ZNF358: variants seen among roughly 807,000 people sequenced by gnomAD.
ZNF358 encodes zinc finger protein 358.
A neutral mutation model predicts 2.1 loss-of-function variants in ZNF358; 1 was observed. That is an observed-to-expected ratio of 0.49 (90% CI 0.17 to 2.30). The LOEUF is 2.30. ZNF358 is among the 30% of genes most tolerant of loss of function. ZNF358 has a pLI of 0.26. For missense variants in ZNF358, 665 were observed against 806.8 expected (o/e 0.82, Z 2.13); for synonymous variants, 381 against 359.7 (o/e 1.06, Z -0.67).
Position 7,520,588 on chromosome 19 carries a change from G to A in ZNF358, c.1346G>A (p.Gly449Asp). The A allele has an allele frequency of 7.3e-7, 1 of 1,369,706 alleles. No homozygotes were observed. The highest frequency in any genetic ancestry group is 1.0e-6 in the Non-Finnish European group (1 of 981,180). The allele number at this position is 1,369,706 out of a possible 1,614,324, so 84.8% of individuals were successfully genotyped here. ...GPDAVSVLGS[G>D]LGLSPGTSSG... The stretch of plus-strand genomic sequence containing the variant: ...GATGCTGTTTCTGTGCTCGGCTCTG[G>A]CTTGGGCCTCAGCCCTGGCACCAGC... Residue 449 changes from glycine (G) to aspartate (D), a missense_variant, in exon 2 of 2, where the codon GGC (glycine) becomes GAC (aspartate). Around this residue, in one of 3 missense-constraint regions of ZNF358, gnomAD observed 249 missense variants for 227.6 expected, o/e 1.09. Coordinates refer to ENST00000597229, the MANE Select transcript of ZNF358 (RefSeq NM_018083.5). This position sits in a 1 kb window ranked among gnomAD's most constrained non-coding sequence, Gnocchi z 6.0.
Position 7,519,457 on chromosome 19 carries a change from A to G in ZNF358, c.215A>G (p.Asp72Gly), listed in dbSNP as rs757967720. 5 of 1,613,804 alleles carry G rather than the reference A, an allele frequency of 3.1e-6. No homozygotes were observed. In the African/African-American group the frequency reaches 6.7e-5, roughly 22 times the overall value. Residue 72 changes from aspartate to glycine, a missense_variant, in exon 2 of 2, where the codon GAC becomes GGC. Coordinates refer to ENST00000597229, the MANE Select transcript of ZNF358 (RefSeq NM_018083.5). The part of the protein sequence containing the change: ...EDLEPVSEDL[D>G]PDAEAPGSEP... Reference sequence around the variant, plus strand: ...CTGGAGCCCGTCTCGGAGGATCTGGACCCCGACGCCGAAGCTCCGGGCTCG... The same window carrying G: ...CTGGAGCCCGTCTCGGAGGATCTGGGCCCCGACGCCGAAGCTCCGGGCTCG...
In ZNF358 at chr19:7,520,439, T is replaced by G. The variant is rs2022449700; in HGVS notation, c.1197T>G (p.Gly399=). 2 of 1,478,836 alleles carry G rather than the reference T, an allele frequency of 1.4e-6. No individual in the cohort carries two copies. Among genetic ancestry groups the G allele is most frequent in the South Asian group, 2.3e-5 (2 of 86,486 alleles). The allele number at this position is 1,478,836 out of a possible 1,614,324, so 91.6% of individuals were successfully genotyped here. The stretch of plus-strand genomic sequence containing the variant: ...CCAAGCACAAACGGGTGCATGAGGG[T>G]GCAGCCGCTGCTGCAGCTGCCGCGG... ...SLTKHKRVHE[G]AAAAAAAAAA... is the part of the protein sequence containing the mutation. The change falls in exon 2 of 2, where the codon GGT becomes GGG. Residue 399 remains glycine (G), a synonymous_variant. Transcript: ENST00000597229. The surrounding 1 kb of genome is among the most constrained non-coding windows in gnomAD (Gnocchi z 6.0).
In ZNF358 at chr19:7,520,650, A is replaced by C; in HGVS notation, c.1408A>C (p.Thr470Pro). The C allele has an allele frequency of 6.3e-7, 1 of 1,583,500 alleles. No homozygotes were observed. The highest frequency in any genetic ancestry group is 1.7e-5 in the Admixed American group (1 of 57,166). The change falls in exon 2 of 2, where the codon ACT (threonine) becomes CCT (proline). Residue 470 changes from threonine to proline, a missense_variant. By Grantham distance (38) the Thr-to-Pro change is conservative. Transcript: ENST00000597229. This position sits in a 1 kb window ranked among gnomAD's most constrained non-coding sequence, Gnocchi z 6.0. ...CCCTGACCCTGGCTCTGGGCCGGGC[A>C]CTCTGCCGGATCCCAGCTCCAAACC... ...RNPDPGSGPG[T>P]LPDPSSKPLP...
upstream of ZNF358, among the ~76,000 whole-genome samples, chr19:7,515,057 T>C (rs2022317523): frequency 6.6e-6 from 1 of 152,164 alleles, no homozygotes; most frequent in Non-Finnish European, 1.5e-5. Flanking sequence ...GTTGGAATTG[T>C]CGTCGGTAAG....
intron 1 of ZNF358, among the ~76,000 whole-genome samples, chr19:7,517,973 A>G (rs2022368128): frequency 6.6e-6 from 1 of 152,220 alleles, no homozygotes; most frequent in African/African-American, 2.4e-5. Context: ...CAAGTATGGG[A>G]CAAGAATTCA....
At position 7,518,595 on chromosome 19, in the gene ZNF358, G is replaced by GAA. The variant is rs1051407655; in HGVS notation, c.-38-608_-38-607dup. Reference sequence around the variant, plus strand: ...AGAAAGAAAGAAAGAAAGAAAGAAAGAAAGAATTGAAGTTAGCTGAGTGTG... The same window carrying GAA: ...AGAAAGAAAGAAAGAAAGAAAGAAAGAAAAAGAATTGAAGTTAGCTGAGTGTG... On this transcript the variant is annotated intron_variant, in intron 1 of 1. Transcript: ENST00000597229. 2.0e-5 allele frequency among the ~76,000 whole-genome samples: 3 copies of GAA among 150,604 alleles called. No individual in the cohort carries two copies. In the East Asian group the frequency reaches 5.8e-4, roughly 29 times the overall value.
upstream of ZNF358, among the ~76,000 whole-genome samples, chr19:7,515,686 A>C (rs569794310): frequency 6.6e-6 from 1 of 152,300 alleles, no homozygotes; most frequent in Admixed American, 6.5e-5. Context: ...ACAGACAGAC[A>C]CAGAGAGAGA....
Position 7,520,941 on chromosome 19 carries a change from G to A in ZNF358, c.1699G>A (p.Asp567Asn). The change falls in exon 2 of 2, where the codon GAT becomes AAT. Residue 567 changes from aspartate to asparagine, a missense_variant. Coordinates refer to ENST00000597229, the MANE Select transcript of ZNF358 (RefSeq NM_018083.5). The surrounding 1 kb of genome is among the most constrained non-coding windows in gnomAD (Gnocchi z 6.0). ...GGAGCAAGGGGCACTGCTGGGGCCT[G>A]ATGGCTGAAGGAGACGCCGGCATCC... ...VQEQGALLGP[D>N]G is the part of the protein sequence containing the mutation. 6.2e-7 allele frequency: 1 copy of A among 1,612,944 alleles called. No homozygotes were observed. The highest frequency in any genetic ancestry group is 8.5e-7 in the Non-Finnish European group (1 of 1,179,290).
intron 1 of ZNF358, among the ~76,000 whole-genome samples, chr19:7,518,772 T>G (rs1271541007): frequency 6.8e-6 from 1 of 147,280 alleles, no homozygotes; most frequent in South Asian, 2.2e-4. Flanking sequence ...AAAATAAAAA[T>G]AAAGAAGTGG....
At chr19:7,518,580 A>AAAGG in intron 1 of ZNF358, among the ~76,000 whole-genome samples, 1 of 145,828 alleles carries the variant, frequency 6.9e-6, no homozygotes, top group Non-Finnish European at 1.5e-5. Flanking sequence ...AGAAAGAAAG[A>AAAGG]AAGAAAGAAA....
At chr19:7,519,184 C>T (rs1423778548) in intron 1 of ZNF358, 21 bp from the exon 2 acceptor site, 5 of 1,571,332 alleles carry the variant, frequency 3.2e-6, no homozygotes, top group South Asian at 2.4e-5. Context: ...TACCCTCTAC[C>T]CTCTATCCTT....
Position 7,519,743 on chromosome 19 carries a change from C to T in ZNF358, c.501C>T (p.Ser167=). The change falls in exon 2 of 2, where the codon AGC becomes AGT. Residue 167 remains serine, a synonymous_variant. Coordinates refer to ENST00000597229, the MANE Select transcript of ZNF358 (RefSeq NM_018083.5). ...CCTTCCGCCGCAGCTCCGGGCTGAG[C>T]CAGCATCGCCGCACGCACAGCGGCG... is the stretch of plus-strand genomic sequence containing the variant. The part of the protein sequence containing the change: ...GRAFRRSSGL[S]QHRRTHSGEK... 1 of 1,544,672 alleles carries T rather than the reference C, an allele frequency of 6.5e-7. No homozygotes were observed. Among genetic ancestry groups the T allele is most frequent in the Non-Finnish European group, 8.7e-7 (1 of 1,152,892 alleles).
At chr19:7,516,026 G>A (rs1297023915), upstream of ZNF358, 2 of 150,814 alleles carry the variant, frequency 1.3e-5, no homozygotes, top group African/African-American at 4.9e-5. This position sits in a 1 kb window ranked among gnomAD's most constrained non-coding sequence, Gnocchi z 5.9. Flanking sequence ...GGGGGGCGGG[G>A]GCAGCGATGG....
Position 7,519,193 on chromosome 19 carries a change from TTGC to T in ZNF358, c.-38-11_-38-9del. ...CCCACCTACCCTCTACCCTCTATCC[TTGC>T]CCTTGCAGGTCTTGCCCCAGAAGCT... On this transcript the variant is annotated splice_polypyrimidine_tract_variant and intron_variant, in intron 1 of 1. Transcript: ENST00000597229. The T allele has an allele frequency of 6.3e-7, 1 of 1,584,874 alleles. No individual in the cohort carries two copies. Among genetic ancestry groups the T allele is most frequent in the Admixed American group, 1.7e-5 (1 of 57,256 alleles).
Position 7,519,710 on chromosome 19 carries a change from C to A in ZNF358, c.468C>A (p.Cys156Ter). 1 of 1,578,950 alleles carries A rather than the reference C, an allele frequency of 6.3e-7. No homozygotes were observed. The highest frequency in any genetic ancestry group is 8.5e-7 in the Non-Finnish European group (1 of 1,170,418). Residue 156 changes from cysteine to a stop codon, truncating the protein, a stop_gained, in exon 2 of 2, where the codon TGC (cysteine) becomes TGA (stop). Transcript: ENST00000597229. LOFTEE classifies it low-confidence loss of function (END_TRUNC). ...SPPRPFSCPD[C>*]GRAFRRSSGL... ...CCCGGCCCTTCTCCTGCCCGGATTG[C>A]GGGCGAGCCTTCCGCCGCAGCTCCG...
chr19:7,520,804 A>C lies in ZNF358; in HGVS notation c.1562A>C (p.Asp521Ala), dbSNP rs752682125. 35 of 1,613,846 alleles carry C rather than the reference A, an allele frequency of 2.2e-5. No homozygotes were observed. The highest frequency in any genetic ancestry group is 3.0e-5 in the Non-Finnish European group (35 of 1,179,970). The change falls in exon 2 of 2, where the codon GAT becomes GCT. Residue 521 changes from aspartate (D) to alanine (A), a missense_variant. Coordinates refer to ENST00000597229, the MANE Select transcript of ZNF358 (RefSeq NM_018083.5). This position sits in a 1 kb window ranked among gnomAD's most constrained non-coding sequence, Gnocchi z 6.0. The part of the protein sequence containing the change: ...DLDPVPSPDP[D>A]PVPSPDPNPV... ...GATCCTGTGCCCAGCCCAGACCCTG[A>C]TCCTGTGCCCAGCCCTGATCCCAAC...
At position 7,516,992 on chromosome 19, in the gene ZNF358, C is replaced by T. The variant is rs115271426; in HGVS notation, c.-39+743C>T. On this transcript the variant is annotated intron_variant, in intron 1 of 1. Transcript: ENST00000597229. The surrounding 1 kb of genome is among the most constrained non-coding windows in gnomAD (Gnocchi z 5.9). The stretch of plus-strand genomic sequence containing the variant: ...GGTTGAGGACCGCCGTCCAGGAACT[C>T]GGCTCTGTTTGCCTGCACACTCCCA... Among the ~76,000 whole-genome samples, 1 of 152,124 alleles carries T rather than the reference C, an allele frequency of 6.6e-6. No homozygotes were observed. The highest frequency in any genetic ancestry group is 1.5e-5 in the Non-Finnish European group (1 of 68,010).
chr19:7,517,059 G>A (rs1050539710), intron 1 of ZNF358, among the ~76,000 whole-genome samples: 2 of 152,090 alleles, frequency 1.3e-5, no homozygotes, highest in African/African-American at 4.8e-5. Flanking sequence ...CCCCAGAAGG[G>A]GAGCCACAGG....
rs747341444 is a variant in ZNF358 at position 7,520,843 on chromosome 19, C to G, written c.1601C>G (p.Pro534Arg). The change falls in exon 2 of 2, where the codon CCT becomes CGT. Residue 534 changes from proline (P) to arginine (R), a missense_variant. Physicochemically the swap from Pro to Arg is moderately radical, Grantham distance 103. Transcript: ENST00000597229. The surrounding 1 kb of genome is among the most constrained non-coding windows in gnomAD (Gnocchi z 6.0). Reference protein sequence around the residue: ...PSPDPNPVSCPDPCSPTRGTV... With the variant: ...PSPDPNPVSCRDPCSPTRGTV... ...CCTGATCCCAACCCTGTGTCCTGCC[C>G]TGACCCCTGTTCTCCCACTCGTGGC... is the stretch of plus-strand genomic sequence containing the variant. 1.9e-6 allele frequency: 3 copies of G among 1,614,156 alleles called. No individual in the cohort carries two copies. Among genetic ancestry groups the G allele is most frequent in the Non-Finnish European group, 2.5e-6 (3 of 1,180,036 alleles).
Sources: gnomAD v4.1 joint callset for allele counts (sites outside exome capture counted in the v4.1 genomes callset) on GRCh38, gnomAD v4.1.1 for gene constraint, gnomAD v4.1.1 regional missense constraint, Gnocchi (gnomAD v3.1) non-coding constraint, MANE v1.5 for transcripts, NCBI Gene and HGNC (gene_info 2026-07-23, HGNC 2026-07-21) for gene names.